STIM1: variants seen among roughly 807,000 people sequenced by gnomAD.
STIM1 encodes the protein stromal interaction molecule 1.
In STIM1, 25 loss-of-function variants were observed where a neutral mutation model predicts 74.7. The ratio of observed to expected loss-of-function variants is 0.33; its 90% CI spans 0.24 to 0.47. The LOEUF is 0.47. Among genes scored for constraint, STIM1 ranks in the 20% least tolerant of loss-of-function variants. The pLI, the probability that STIM1 is intolerant of heterozygous loss-of-function variation, is 1.00. For synonymous variants in STIM1, 328 were observed against 348.8 expected (o/e 0.94, Z 0.66); for missense variants, 728 against 920.8 (o/e 0.79, Z 2.71).
At chr11:3,856,475 G>C in intron 1 of STIM1, 66 bp downstream of exon 1, 1 of 1,564,890 alleles carries the variant, frequency 6.4e-7, no homozygotes. Context: ...GCCCGAAGTG[G>C]GCAAGTTGAA....
chr11:4,055,971 TATA>T (rs2094286482), intron 4 of STIM1, among the ~76,000 whole-genome samples: 1 of 152,194 alleles, frequency 6.6e-6, no homozygotes, highest in African/African-American at 2.4e-5. Context: ...GGTATTATTG[TATA>T]TAGATGATGA....
chr11:4,039,703 G>A (rs2094133563), intron 3 of STIM1, among the ~76,000 whole-genome samples: 1 of 151,004 alleles, frequency 6.6e-6, no homozygotes, highest in Non-Finnish European at 1.5e-5. Flanking sequence ...ATCTCAAAAT[G>A]AATTACCTTA....
At chr11:3,972,732 A>G (rs1280467803) in intron 2 of STIM1, 1 of 453,594 alleles carries the variant, frequency 2.2e-6, no homozygotes, top group Non-Finnish European at 4.4e-6. Context: ...GAGTTCACAA[A>G]TCTGTTGTAA....
intron 1 of STIM1, among the ~76,000 whole-genome samples, chr11:3,873,691 T>A (rs1166996925): frequency 2.6e-5 from 4 of 152,094 alleles, no homozygotes; most frequent in Non-Finnish European, 1.5e-5. Flanking sequence ...GGCAGTTCTG[T>A]TAGCTCAGTT....
chr11:3,907,478 A>G (rs914102470), intron 1 of STIM1, among the ~76,000 whole-genome samples: 2 of 152,200 alleles, frequency 1.3e-5, no homozygotes, highest in African/African-American at 4.8e-5. Context: ...CAAATCCAAC[A>G]TTCAGATACT....
chr11:3,858,296 C>T (rs1234304214), intron 1 of STIM1, among the ~76,000 whole-genome samples: 1 of 150,718 alleles, frequency 6.6e-6, no homozygotes, highest in Non-Finnish European at 1.5e-5. Context: ...TTCCTCAGGA[C>T]CACCCCATGA....
chr11:4,003,319 C>T (rs1314807601), intron 2 of STIM1, among the ~76,000 whole-genome samples: 3 of 150,184 alleles, frequency 2.0e-5, no homozygotes, highest in Non-Finnish European at 3.0e-5. Flanking sequence ...CCTTGATGAA[C>T]ATTGATGCAA....
intron 2 of STIM1, among the ~76,000 whole-genome samples, chr11:4,017,266 A>G (rs2093907567): frequency 6.6e-6 from 1 of 151,740 alleles, no homozygotes; most frequent in South Asian, 2.1e-4. Flanking sequence ...TCATTTCTTT[A>G]TTTTCTAAAG....
chr11:4,014,415 C>A (rs545081282), intron 2 of STIM1, among the ~76,000 whole-genome samples: 3 of 152,268 alleles, frequency 2.0e-5, no homozygotes, highest in African/African-American at 7.2e-5. Flanking sequence ...GTCTGAGAGA[C>A]AGTTTGTTGT....
At chr11:3,953,870 C>A (rs1162935449) in intron 1 of STIM1, among the ~76,000 whole-genome samples, 2 of 149,820 alleles carry the variant, frequency 1.3e-5, no homozygotes, top group Non-Finnish European at 3.0e-5. Flanking sequence ...GCAGTCTTGA[C>A]CTCCCAGGCC....
At chr11:3,958,652 C>G (rs1373896956) in intron 1 of STIM1, among the ~76,000 whole-genome samples, 1 of 152,088 alleles carries the variant, frequency 6.6e-6, no homozygotes, top group Non-Finnish European at 1.5e-5. Flanking sequence ...CTCCAGGTCT[C>G]AAACCTGTTC....
At position 3,887,969 on chromosome 11, in the gene STIM1, C is replaced by CAA. The variant is rs71047183; in HGVS notation, c.139+31577_139+31578dup. On this transcript the variant is annotated intron_variant, in intron 1 of 12. Coordinates refer to ENST00000526596, the MANE Select transcript of STIM1 (RefSeq NM_001382567.1). The stretch of plus-strand genomic sequence containing the variant: ...TGGGTGACAGAGTGAGACTCTGTCT[C>CAA]AAAAAAAAAAAAAAAAAATAGGACA... The CAA allele has an allele frequency of 7.7e-3, 808 of 104,898 alleles. 4 individuals carry two copies. Among genetic ancestry groups the CAA allele is most frequent in the African/African-American group, 0.024 (734 of 30,794 alleles). The allele number at this position is 104,898 out of a possible 1,614,324, so 6.5% of individuals were successfully genotyped here.
At chr11:3,986,471 G>A (rs1289008468) in intron 2 of STIM1, among the ~76,000 whole-genome samples, 1 of 152,140 alleles carries the variant, frequency 6.6e-6, no homozygotes, top group Non-Finnish European at 1.5e-5. Flanking sequence ...GCAGGCTGTA[G>A]CCAGATTTGT....
chr11:4,086,035 T>C (rs1028806224), intron 11 of STIM1, among the ~76,000 whole-genome samples: 1 of 152,228 alleles, frequency 6.6e-6, no homozygotes, highest in Non-Finnish European at 1.5e-5. Flanking sequence ...TAAACAATTA[T>C]GTTTACTTCT....
At chr11:4,066,835 T>G (rs1306827559) in intron 5 of STIM1, among the ~76,000 whole-genome samples, 1 of 152,174 alleles carries the variant, frequency 6.6e-6, no homozygotes, top group Non-Finnish European at 1.5e-5. Flanking sequence ...ACAGTAGGAA[T>G]TGAAGAATGG....
intron 1 of STIM1, among the ~76,000 whole-genome samples, chr11:3,938,356 T>C (rs531294091): frequency 0.044 from 6,627 of 152,292 alleles, 444 homozygotes; most frequent in African/African-American, 0.14. Flanking sequence ...CAGCTTTGCA[T>C]ACCAAGGGGT....
chr11:3,932,666 GAA>G lies in STIM1; in HGVS notation c.140-34867_140-34866del, dbSNP rs57059104. Among the ~76,000 whole-genome samples, 112 of 86,956 alleles carry G rather than the reference GAA, an allele frequency of 1.3e-3. 1 individual carries two copies. The highest frequency in any genetic ancestry group is 7.0e-3 in the Middle Eastern group (1 of 142). The allele number at this position is 86,956 out of a possible 152,430, so 57.0% of individuals were successfully genotyped here. A position where few individuals can be genotyped will look rare whatever the true frequency, so the allele number is the denominator to read the frequency against. On this transcript the variant is annotated intron_variant, in intron 1 of 12. Transcript: ENST00000526596. ...AAGAGTGCAAGACTCTGTCTCAAAG[GAA>G]AAAAAAAAAAAAAAAAAAGAAAAGA... is the stretch of plus-strand genomic sequence containing the variant.
chr11:3,975,099 G>A (rs74051579), intron 2 of STIM1, among the ~76,000 whole-genome samples: 1,682 of 152,242 alleles, frequency 0.011, 32 homozygotes, highest in African/African-American at 0.037. Flanking sequence ...GGGAGCTTGC[G>A]TTCTAGTGAT....
At chr11:4,038,454 C>T (rs2094121739) in intron 3 of STIM1, among the ~76,000 whole-genome samples, 1 of 151,964 alleles carries the variant, frequency 6.6e-6, no homozygotes, top group African/African-American at 2.4e-5. Flanking sequence ...AGTGTATTTT[C>T]ATTTCCCTCT....
Sources: allele counts gnomAD v4.1 joint callset (sites outside exome capture counted in the v4.1 genomes callset), GRCh38; gene constraint gnomAD v4.1.1; transcripts MANE v1.5; gene names NCBI Gene and HGNC (gene_info 2026-07-23, HGNC 2026-07-21).